The following SLC39A3 variants were observed in gnomAD, a reference collection of about 807,000 sequenced individuals.
SLC39A3 encodes solute carrier family 39 member 3, also known as zinc transporter ZIP3.
A neutral mutation model predicts 5.1 loss-of-function variants in SLC39A3; 3 were observed. The observed-to-expected ratio is 0.59, with a 90% CI of 0.27 to 1.54. The LOEUF is 1.54. Among genes scored for constraint, SLC39A3 ranks in the 40% most tolerant of loss-of-function variants. The pLI is 0.12. For missense variants in SLC39A3, 412 were observed against 436.4 expected (o/e 0.94, Z 0.50); for synonymous variants, 250 against 218.8 (o/e 1.14, Z -1.26).
rs1318009979 is a variant in SLC39A3 at position 2,735,378 on chromosome 19, C to T, written c.210+1670G>A. 1 of 204,452 alleles carries T rather than the reference C, an allele frequency of 4.9e-6. No individual in the cohort carries two copies. Among genetic ancestry groups the T allele is most frequent in the Non-Finnish European group, 8.6e-6 (1 of 115,964 alleles). 12.7% of individuals were successfully genotyped at this position (204,452 alleles called of 1,614,324 possible). On this transcript the variant is annotated intron_variant, in intron 2 of 2. Transcript: ENST00000269740. This position sits in a 1 kb window ranked among gnomAD's most constrained non-coding sequence, Gnocchi z 5.7. ...CGCTCCAGGTCTCGCAGGGTGTCAT[C>T]AGGGCTGAGATCTCACTGACACCCA...
Position 2,733,586 on chromosome 19 carries a change from C to A in SLC39A3, c.211-101G>T. 1 of 1,434,318 alleles carries A rather than the reference C, an allele frequency of 7.0e-7. No individual in the cohort carries two copies. Among genetic ancestry groups the A allele is most frequent in the Non-Finnish European group, 9.3e-7 (1 of 1,075,402 alleles). The allele number at this position is 1,434,318 out of a possible 1,614,324, so 88.8% of individuals were successfully genotyped here. ...ACCGTTCAAAGCAAAGTCCAGAAAT[C>A]CCCGATTCACACAGAGGTTAAAACA... is the stretch of plus-strand genomic sequence containing the variant. On this transcript the variant is annotated intron_variant, in intron 2 of 2. Transcript: ENST00000269740. The surrounding 1 kb of genome is among the most constrained non-coding windows in gnomAD (Gnocchi z 6.1).
At chr19:2,736,618 G>A in intron 2 of SLC39A3, 1 of 726,530 alleles carries the variant, frequency 1.4e-6, no homozygotes, top group Non-Finnish European at 1.9e-6. Context: ...AGCTCCTGAA[G>A]CAGTGCCCAG....
intron 2 of SLC39A3, chr19:2,736,230 C>A: frequency 1.0e-6 from 1 of 982,570 alleles, no homozygotes; most frequent in Non-Finnish European, 1.2e-6. Flanking sequence ...CTCTTGACAG[C>A]CATACCCTGT....
chr19:2,737,194 C>A lies in SLC39A3; in HGVS notation c.64G>T (p.Gly22Cys). 1 of 1,614,110 alleles carries A rather than the reference C, an allele frequency of 6.2e-7. No individual in the cohort carries two copies. The highest frequency in any genetic ancestry group is 8.5e-7 in the Non-Finnish European group (1 of 1,180,030). Reference sequence around the variant, plus strand: ...ATGATCTTCACGGGGAGCAGGGAGCCGAGCAGCATGAAGAAGAACACGCCC... The same window carrying A: ...ATGATCTTCACGGGGAGCAGGGAGCAGAGCAGCATGAAGAAGAACACGCCC... ...MVGVFFFMLL[G>C]SLLPVKIIET... is the part of the protein sequence containing the mutation. Residue 22 changes from glycine (G) to cysteine (C), a missense_variant, in exon 2 of 3, where the codon GGC becomes TGC. Gly to Cys is a radical substitution (Grantham distance 159). Coordinates refer to ENST00000269740, the MANE Select transcript of SLC39A3 (RefSeq NM_144564.5).
chr19:2,737,997 G>C (rs1271233954), intron 1 of SLC39A3, among the ~76,000 whole-genome samples: 1 of 151,584 alleles, frequency 6.6e-6, no homozygotes, highest in Admixed American at 6.6e-5. Flanking sequence ...TCAGGAATTC[G>C]AGACCAGCCT....
In SLC39A3 at chr19:2,734,757, T is replaced by A; in HGVS notation, c.211-1272A>T. On this transcript the variant is annotated intron_variant, in intron 2 of 2. Transcript: ENST00000269740. This position sits in a 1 kb window ranked among gnomAD's most constrained non-coding sequence, Gnocchi z 4.6. ...CAGTTCACGCTGGGTGAGCCTCTGC[T>A]GCAGCAGAAGGCTGTGTTTCCACGG... 1 of 985,492 alleles carries A rather than the reference T, an allele frequency of 1.0e-6. No individual in the cohort carries two copies. Among genetic ancestry groups the A allele is most frequent in the Non-Finnish European group, 1.2e-6 (1 of 829,958 alleles). The allele number at this position is 985,492 out of a possible 1,614,324, so 61.0% of individuals were successfully genotyped here.
chr19:2,734,114 G>T lies in SLC39A3; in HGVS notation c.211-629C>A. On this transcript the variant is annotated intron_variant, in intron 2 of 2. Transcript: ENST00000269740. The surrounding 1 kb of genome is among the most constrained non-coding windows in gnomAD (Gnocchi z 4.6). The stretch of plus-strand genomic sequence containing the variant: ...GTGGGTCAGACGGGAGCCGCAGGGC[G>T]TCTGCAAGAGGTACACACTCCTATG... 6.6e-6 allele frequency among the ~76,000 whole-genome samples: 1 copy of T among 152,344 alleles called. No individual in the cohort carries two copies. Among genetic ancestry groups the T allele is most frequent in the Non-Finnish European group, 1.5e-5 (1 of 68,032 alleles).
chr19:2,738,218 A>C (rs914784492), intron 1 of SLC39A3, among the ~76,000 whole-genome samples: 4 of 151,696 alleles, frequency 2.6e-5, no homozygotes, highest in African/African-American at 9.7e-5. Context: ...AAAAAAAAAA[A>C]AACTAAATAA....
intron 1 of SLC39A3, chr19:2,737,629 G>A (rs937591652): frequency 2.7e-5 from 6 of 218,486 alleles, no homozygotes; most frequent in Non-Finnish European, 5.6e-5. Context: ...GGCTGGTCTC[G>A]AACTCCTGAC....
intron 1 of SLC39A3, among the ~76,000 whole-genome samples, chr19:2,738,470 G>A (rs556218193): frequency 1.5e-4 from 23 of 152,216 alleles, no homozygotes; most frequent in African/African-American, 5.3e-4. Flanking sequence ...GGCCCTCACT[G>A]GTCCTTTCTG....
chr19:2,735,966 A>G lies in SLC39A3; in HGVS notation c.210+1082T>C. The G allele has an allele frequency of 1.0e-6, 1 of 985,500 alleles. No homozygotes were observed. The highest frequency in any genetic ancestry group is 1.2e-6 in the Non-Finnish European group (1 of 829,960). 61.0% of individuals were successfully genotyped at this position (985,500 alleles called of 1,614,324 possible). A position where few individuals can be genotyped will look rare whatever the true frequency, so the allele number is the denominator to read the frequency against. On this transcript the variant is annotated intron_variant, in intron 2 of 2. Coordinates refer to ENST00000269740, the MANE Select transcript of SLC39A3 (RefSeq NM_144564.5). The surrounding 1 kb of genome is among the most constrained non-coding windows in gnomAD (Gnocchi z 5.7). ...CCATGCTTTCGTTGGGAGGAAGAAC[A>G]GGGGGTCCTCATATCTCCACCAAGT...
In SLC39A3 at chr19:2,735,745, C is replaced by A; in HGVS notation, c.210+1303G>T. The A allele has an allele frequency of 2.7e-6, 2 of 738,362 alleles. No individual in the cohort carries two copies. Among genetic ancestry groups the A allele is most frequent in the Non-Finnish European group, 3.3e-6 (2 of 605,020 alleles). The allele number at this position is 738,362 out of a possible 1,614,324, so 45.7% of individuals were successfully genotyped here. A position where few individuals can be genotyped will look rare whatever the true frequency, so the allele number is the denominator to read the frequency against. The stretch of plus-strand genomic sequence containing the variant: ...GACACGCACGGCAGTCCCAGCCCTA[C>A]CCACACTCGAGGGGAGGGAAGAGCA... On this transcript the variant is annotated intron_variant, in intron 2 of 2. Coordinates refer to ENST00000269740, the MANE Select transcript of SLC39A3 (RefSeq NM_144564.5). The surrounding 1 kb of genome is among the most constrained non-coding windows in gnomAD (Gnocchi z 5.7).
chr19:2,733,363 C>T lies in SLC39A3; in HGVS notation c.333G>A (p.Glu111=), dbSNP rs1914257361. Residue 111 remains glutamate (E), a synonymous_variant, in exon 3 of 3, where the codon GAG becomes GAA. Coordinates refer to ENST00000269740, the MANE Select transcript of SLC39A3 (RefSeq NM_144564.5). This position sits in a 1 kb window ranked among gnomAD's most constrained non-coding sequence, Gnocchi z 6.1. ...TCTCCAGGTCGATGAAGGACGGCTT[C>T]TCCTTGCGGAAGGTCAGGATCAGCT... The part of the protein sequence containing the change: ...LEQLILTFRK[E]KPSFIDLETF... The T allele has an allele frequency of 6.2e-7, 1 of 1,613,172 alleles. No homozygotes were observed. The highest frequency in any genetic ancestry group is 1.7e-5 in the Admixed American group (1 of 60,010).
chr19:2,733,156 G>A lies in SLC39A3; in HGVS notation c.540C>T (p.His180=). 6.2e-7 allele frequency: 1 copy of A among 1,610,910 alleles called. No individual in the cohort carries two copies. Among genetic ancestry groups the A allele is most frequent in the Non-Finnish European group, 8.5e-7 (1 of 1,179,068 alleles). ...LLSLAFALSA[H]SVFEGLALGL... is the part of the protein sequence containing the mutation. ...CCAGGGCCAGGCCCTCAAAGACCGA[G>A]TGGGCCGACAGCGCGAAGGCCAGGC... The change falls in exon 3 of 3, where the codon CAC becomes CAT. Residue 180 remains histidine, a synonymous_variant. Coordinates refer to ENST00000269740, the MANE Select transcript of SLC39A3 (RefSeq NM_144564.5). The surrounding 1 kb of genome is among the most constrained non-coding windows in gnomAD (Gnocchi z 6.1).
chr19:2,737,429 TTTTTTTA>T lies in SLC39A3; in HGVS notation c.-122-57_-122-51del, dbSNP rs1037171319. On this transcript the variant is annotated intron_variant, in intron 1 of 2. Coordinates refer to ENST00000269740, the MANE Select transcript of SLC39A3 (RefSeq NM_144564.5). ...TAGCTTTCTTTCTTTTTTCTTTTTT[TTTTTTTA>T]GACAGAGTCTCGCTCTGTTGCCAGG... The T allele has an allele frequency of 2.3e-6, 3 of 1,293,776 alleles. No individual in the cohort carries two copies. The African/African-American group carries it at 4.5e-5, about 19-fold the overall frequency. The allele number at this position is 1,293,776 out of a possible 1,614,324, so 80.1% of individuals were successfully genotyped here. A position where few individuals can be genotyped will look rare whatever the true frequency, so the allele number is the denominator to read the frequency against.
intron 1 of SLC39A3, 150 bp downstream of exon 1, chr19:2,739,795 T>C (rs1280712941): frequency 1.3e-5 from 2 of 152,458 alleles, no homozygotes; most frequent in African/African-American, 4.8e-5. Flanking sequence ...ATTCATTCAA[T>C]CAGCACTTAT....
chr19:2,733,570 A>G lies in SLC39A3; in HGVS notation c.211-85T>C. 1 of 1,492,702 alleles carries G rather than the reference A, an allele frequency of 6.7e-7. No individual in the cohort carries two copies. The highest frequency in any genetic ancestry group is 8.9e-7 in the Non-Finnish European group (1 of 1,119,290). 92.5% of individuals were successfully genotyped at this position (1,492,702 alleles called of 1,614,324 possible). Reference sequence around the variant, plus strand: ...GGGCTGGCCAGATGTCACCGTTCAAAGCAAAGTCCAGAAATCCCCGATTCA... The same window carrying G: ...GGGCTGGCCAGATGTCACCGTTCAAGGCAAAGTCCAGAAATCCCCGATTCA... On this transcript the variant is annotated intron_variant, in intron 2 of 2. Coordinates refer to ENST00000269740, the MANE Select transcript of SLC39A3 (RefSeq NM_144564.5). This position sits in a 1 kb window ranked among gnomAD's most constrained non-coding sequence, Gnocchi z 6.1.
intron 1 of SLC39A3, among the ~76,000 whole-genome samples, chr19:2,738,694 G>A (rs1215502848): frequency 6.6e-6 from 1 of 151,924 alleles, no homozygotes; most frequent in Non-Finnish European, 1.5e-5. Context: ...CAGATCACCT[G>A]AGGTCGAGAG....
At chr19:2,736,918 C>T (rs888660674) in intron 2 of SLC39A3, 130 bp downstream of exon 2, 1 of 1,541,018 alleles carries the variant, frequency 6.5e-7, no homozygotes, top group African/African-American at 1.4e-5. Flanking sequence ...ACAGCAAATT[C>T]ACTTCCTACT....
Sources: gnomAD v4.1 joint callset for allele counts (sites outside exome capture counted in the v4.1 genomes callset) on GRCh38, gnomAD v4.1.1 for gene constraint, Gnocchi (gnomAD v3.1) non-coding constraint, MANE v1.5 for transcripts, NCBI Gene and HGNC (gene_info 2026-07-23, HGNC 2026-07-21) for gene names.